Variants in KIAA1217 observed in about 807,000 individuals in gnomAD.
KIAA1217 encodes sickle tail protein homolog.
In KIAA1217, 88 loss-of-function variants were observed where a neutral mutation model predicts 163.9. The ratio of observed to expected loss-of-function variants is 0.54; its 90% CI spans 0.45 to 0.64. The LOEUF is 0.64. Ranked by LOEUF, KIAA1217 falls within the 30% of genes least tolerant of loss-of-function variation. The pLI, the probability that KIAA1217 is intolerant of heterozygous loss-of-function variation, is 0.00. For missense variants in KIAA1217, 2,372 were observed against 2,475.0 expected, an observed-to-expected ratio of 0.96 and a Z score of 0.88; for synonymous variants, 903 against 923.1, an observed-to-expected ratio of 0.98 and a Z score of 0.39.
intron 2 of KIAA1217, among the ~76,000 whole-genome samples, chr10:24,373,137 G>A (rs1358239766): frequency 1.3e-5 from 2 of 152,166 alleles, no homozygotes; most frequent in African/African-American, 2.4e-5. Flanking sequence ...GGTTTATGGG[G>A]ACCTTTGCCA....
intron 5 of KIAA1217, among the ~76,000 whole-genome samples, chr10:24,441,655 G>A (rs1325702225): frequency 6.6e-5 from 10 of 152,030 alleles, no homozygotes; most frequent in Non-Finnish European, 1.5e-4. Flanking sequence ...AGCATACCTG[G>A]CTCCTGTTTC....
At chr10:24,478,262 A>ATGAT (rs1462568855) in intron 6 of KIAA1217, among the ~76,000 whole-genome samples, 1 of 152,222 alleles carries the variant, frequency 6.6e-6, no homozygotes, top group East Asian at 1.9e-4. Context: ...TTGAAGGAAC[A>ATGAT]TGATTTGGTA....
chr10:24,208,849 C>A, upstream of KIAA1217: 1 of 246,620 alleles, frequency 4.1e-6, no homozygotes. Flanking sequence ...GTAGGAGAGG[C>A]CGTCACCTGT....
intron 2 of KIAA1217, among the ~76,000 whole-genome samples, chr10:24,131,208 A>G (rs1327061461): frequency 2.0e-5 from 3 of 152,162 alleles, no homozygotes; most frequent in Non-Finnish European, 2.9e-5. Context: ...AGGATTTTAC[A>G]TTCATCCATA....
At position 23,987,633 on chromosome 10, in the gene KIAA1217, G is replaced by A. The variant is rs932953748; in HGVS notation, c.-320-19592G>A. 5.6e-4 allele frequency among the ~76,000 whole-genome samples: 54 copies of A among 95,818 alleles called. 1 individual carries two copies. The highest frequency in any genetic ancestry group is 1.7e-3 in the African/African-American group (53 of 32,036). The allele number at this position is 95,818 out of a possible 152,430, so 62.9% of individuals were successfully genotyped here. Reference sequence around the variant, plus strand: ...TGTGTGTGTGTGTGTGTATGTGTACGTGTGTGTGTGTGGTAAGAATCCTTA... The same window carrying A: ...TGTGTGTGTGTGTGTGTATGTGTACATGTGTGTGTGTGGTAAGAATCCTTA... On this transcript the variant is annotated intron_variant, in intron 1 of 18. Coordinates refer to the KIAA1217 transcript ENST00000376462.
At chr10:24,395,552 G>A (rs1202269835) in intron 3 of KIAA1217, among the ~76,000 whole-genome samples, 2 of 152,202 alleles carry the variant, frequency 1.3e-5, no homozygotes, top group African/African-American at 2.4e-5. Flanking sequence ...AATGTCCCTG[G>A]AAAAGAAAGT....
intron 2 of KIAA1217, among the ~76,000 whole-genome samples, chr10:24,359,376 AGCCACCAT>A (rs2049639527): frequency 6.6e-6 from 1 of 152,108 alleles, no homozygotes; most frequent in South Asian, 2.1e-4. Flanking sequence ...TACAGGCATG[AGCCACCAT>A]GCCTGACTTA....
At chr10:24,282,227 A>G (rs1000690371) in intron 2 of KIAA1217, among the ~76,000 whole-genome samples, 5 of 151,872 alleles carry the variant, frequency 3.3e-5, no homozygotes, top group African/African-American at 4.8e-5. Flanking sequence ...AAAAAAGAAT[A>G]CTAATAATCT....
chr10:24,530,937 G>A (rs1483721135), intron 14 of KIAA1217, among the ~76,000 whole-genome samples: 1 of 151,920 alleles, frequency 6.6e-6, no homozygotes, highest in Non-Finnish European at 1.5e-5. Context: ...GCTCACACCT[G>A]TAATCCCAGC....
chr10:23,783,323 T>C (rs997725462), intron 1 of KIAA1217, among the ~76,000 whole-genome samples: 1 of 152,216 alleles, frequency 6.6e-6, no homozygotes, highest in Non-Finnish European at 1.5e-5. Context: ...TTTAGATGAT[T>C]ATGCTTTTTA....
intron 1 of KIAA1217, among the ~76,000 whole-genome samples, chr10:23,817,614 T>G (rs7913367): frequency 0.047 from 7,138 of 152,124 alleles, 545 homozygotes; most frequent in African/African-American, 0.16. Flanking sequence ...GAAGGGTGTC[T>G]AAGATCTCTT....
intron 1 of KIAA1217, among the ~76,000 whole-genome samples, chr10:23,709,002 A>G (rs1259092304): frequency 6.6e-6 from 1 of 152,124 alleles, no homozygotes; most frequent in Non-Finnish European, 1.5e-5. Flanking sequence ...GCTGGAGAAA[A>G]AGGGCAGTGT....
chr10:24,126,006 C>A (rs1326438702), intron 2 of KIAA1217, among the ~76,000 whole-genome samples: 1 of 152,152 alleles, frequency 6.6e-6, no homozygotes, highest in African/African-American at 2.4e-5. Context: ...GTTTCTGCTA[C>A]AATGTAGCTC....
intron 10 of KIAA1217, among the ~76,000 whole-genome samples, chr10:24,517,592 CCTT>C (rs929420276): frequency 3.9e-5 from 6 of 152,296 alleles, no homozygotes; most frequent in South Asian, 2.1e-4. Flanking sequence ...TTGTTCTTCT[CCTT>C]CTTCTTCTTC....
At chr10:23,950,591 T>TCATG (rs1416211520) in intron 1 of KIAA1217, among the ~76,000 whole-genome samples, 10 of 152,102 alleles carry the variant, frequency 6.6e-5, no homozygotes, top group Admixed American at 6.5e-4. Flanking sequence ...ATTATATTGT[T>TCATG]CATGCATGCA....
chr10:24,432,487 A>C lies in KIAA1217; in HGVS notation c.554-508A>C, dbSNP rs139937767. 5.3e-3 allele frequency among the ~76,000 whole-genome samples: 801 copies of C among 151,580 alleles called. 4 individuals are homozygous for C. Among genetic ancestry groups the C allele is most frequent in the African/African-American group, 0.018 (723 of 41,300 alleles). Reference sequence around the variant, plus strand: ...ATGTTTGTTTTTGAGTCAGGGTCTCACTCTATTACTTAGGCTGGAGTGCAG... The same window carrying C: ...ATGTTTGTTTTTGAGTCAGGGTCTCCCTCTATTACTTAGGCTGGAGTGCAG... On this transcript the variant is annotated intron_variant, in intron 3 of 20. Transcript: ENST00000376454.
At chr10:23,967,662 A>T (rs16924152) in intron 1 of KIAA1217, among the ~76,000 whole-genome samples, 4 of 152,152 alleles carry the variant, frequency 2.6e-5, no homozygotes, top group African/African-American at 9.7e-5. Context: ...GTTTTGGAGG[A>T]CAATTTGACA....
At chr10:23,899,639 G>T (rs1055051265) in intron 1 of KIAA1217, among the ~76,000 whole-genome samples, 1 of 152,046 alleles carries the variant, frequency 6.6e-6, no homozygotes, top group Non-Finnish European at 1.5e-5. Context: ...AAATCTTGTG[G>T]TCAACAACTT....
chr10:24,331,472 C>T (rs773458324), intron 2 of KIAA1217, among the ~76,000 whole-genome samples: 6 of 152,170 alleles, frequency 3.9e-5, no homozygotes, highest in African/African-American at 9.7e-5. Context: ...ATTAAATAGA[C>T]GAAGTCACAA....
Sources: allele counts gnomAD v4.1 joint callset (sites outside exome capture counted in the v4.1 genomes callset), GRCh38; gene constraint gnomAD v4.1.1; transcripts MANE v1.5; gene names NCBI Gene and HGNC (gene_info 2026-07-23, HGNC 2026-07-21).